NPAS2: variants seen among roughly 807,000 people sequenced by gnomAD.
NPAS2 encodes the protein neuronal PAS domain protein 2, also known as neuronal PAS domain-containing protein 2.
In NPAS2, 23 loss-of-function variants were observed where a neutral mutation model predicts 107.5. The observed-to-expected ratio is 0.21, with a 90% CI of 0.15 to 0.30. NPAS2 has a LOEUF of 0.30. Ranked by LOEUF, NPAS2 falls within the 10% of genes least tolerant of loss-of-function variation. NPAS2 has a pLI of 1.00. For missense variants in NPAS2, 756 were observed against 1,043.3 expected (o/e 0.72, Z 3.79); for synonymous variants, 403 against 417.5 (o/e 0.97, Z 0.42).
chr2:100,956,139 T>C (rs1049452725), intron 7 of NPAS2, among the ~76,000 whole-genome samples: 2 of 152,134 alleles, frequency 1.3e-5, no homozygotes, highest in Admixed American at 1.3e-4. Flanking sequence ...CTTCTGAGCC[T>C]AAGCAATCCT....
At chr2:100,822,864 A>G (rs906816300) in intron 1 of NPAS2, 3 of 152,228 alleles carry the variant, frequency 2.0e-5, no homozygotes, top group Non-Finnish European at 4.4e-5. Context: ...CTTTATGCCA[A>G]CGGTTTAATT....
At chr2:100,962,967 T>TA (rs139409116) in intron 7 of NPAS2, 25,677 of 152,252 alleles carry the variant, frequency 0.17, 2,426 homozygotes, top group African/African-American at 0.25. Flanking sequence ...TGACCGTGGT[T>TA]AATTATAGAA....
chr2:100,967,319 C>T (rs1245347944), intron 10 of NPAS2, among the ~76,000 whole-genome samples: 5 of 149,408 alleles, frequency 3.3e-5, no homozygotes, highest in East Asian at 4.0e-4. Flanking sequence ...CTCCGCCTCC[C>T]GGGTTCACGC....
In NPAS2 at chr2:100,979,514, T is replaced by A. The variant is rs1459593591; in HGVS notation, c.1482+1715T>A. On this transcript the variant is annotated intron_variant, in intron 15 of 20. Transcript: ENST00000335681. ...TATATATATATATATTTTTTTTTTT[T>A]TTTTTTTTTTTTTTCTGAGACGGAG... Among the ~76,000 whole-genome samples the A allele has an allele frequency of 7.6e-4, 98 of 129,344 alleles. 1 individual carries two copies. Among genetic ancestry groups the A allele is most frequent in the East Asian group, 3.5e-3 (14 of 3,990 alleles). The allele number at this position is 129,344 out of a possible 152,430, so 84.9% of individuals were successfully genotyped here. A position where few individuals can be genotyped will look rare whatever the true frequency, so the allele number is the denominator to read the frequency against.
chr2:100,985,676 T>A (rs1677739240), intron 16 of NPAS2: 1 of 152,274 alleles, frequency 6.6e-6, no homozygotes, highest in Non-Finnish European at 1.5e-5. Context: ...TTATCTGACA[T>A]TCATTCAGTA....
chr2:100,949,458 A>G lies in NPAS2; in HGVS notation c.576A>G (p.Gly192=), dbSNP rs377280122. 6.2e-7 allele frequency: 1 copy of G among 1,604,324 alleles called. No homozygotes were observed. The highest frequency in any genetic ancestry group is 1.1e-5 in the South Asian group (1 of 90,882). Residue 192 remains glycine, a synonymous_variant, in exon 7 of 21, where the codon GGA becomes GGG. Coordinates refer to ENST00000335681, the MANE Select transcript of NPAS2 (RefSeq NM_002518.4). The stretch of plus-strand genomic sequence containing the variant: ...CTTATGAATACATAAAATTTGTAGG[A>G]AATTTTCGCTCTTACAACAATGGTA... The part of the protein sequence containing the change: ...FPTYEYIKFV[G]NFRSYNNVPS...
At chr2:100,880,694 A>G (rs192297153) in intron 1 of NPAS2, among the ~76,000 whole-genome samples, 11 of 152,200 alleles carry the variant, frequency 7.2e-5, no homozygotes, top group Non-Finnish European at 1.6e-4. Context: ...GTTGCACAAC[A>G]TTATGAATGC....
At chr2:100,921,106 G>A (rs544828195) in intron 2 of NPAS2, among the ~76,000 whole-genome samples, 31 of 152,330 alleles carry the variant, frequency 2.0e-4, no homozygotes, top group Middle Eastern at 3.4e-3. Context: ...GGGTCCGTAG[G>A]TCCATAACAG....
chr2:100,877,860 C>T (rs1411909892), intron 1 of NPAS2: 1 of 563,256 alleles, frequency 1.8e-6, no homozygotes, highest in Non-Finnish European at 2.3e-6. Flanking sequence ...TCACATACTG[C>T]CTTGTAAGAA....
intron 1 of NPAS2, among the ~76,000 whole-genome samples, chr2:100,834,061 A>G (rs1024496685): frequency 6.6e-6 from 1 of 152,182 alleles, no homozygotes; most frequent in Non-Finnish European, 1.5e-5. Flanking sequence ...AGGCTCAGAA[A>G]GCAAAGAGGC....
intron 2 of NPAS2, among the ~76,000 whole-genome samples, chr2:100,922,181 G>A (rs981879457): frequency 2.6e-5 from 4 of 152,158 alleles, no homozygotes; most frequent in Admixed American, 1.3e-4. Context: ...TCTTTAGGAT[G>A]AAGGAACTGT....
intron 1 of NPAS2, among the ~76,000 whole-genome samples, chr2:100,884,658 G>A (rs1425988475): frequency 6.6e-6 from 1 of 152,180 alleles, no homozygotes; most frequent in African/African-American, 2.4e-5. Context: ...TGGGGTCAGA[G>A]ATGGAGCATT....
At chr2:100,995,114 G>A (rs572450080) in intron 20 of NPAS2, 88 of 407,038 alleles carry the variant, frequency 2.2e-4, no homozygotes, top group Middle Eastern at 1.9e-3. Flanking sequence ...ACGTGTTTAC[G>A]AAACCATTCC....
intron 7 of NPAS2, among the ~76,000 whole-genome samples, chr2:100,962,319 T>TA (rs148503947): frequency 6.6e-6 from 1 of 152,200 alleles, no homozygotes; most frequent in South Asian, 2.1e-4. Context: ...TATATATATT[T>TA]AAAAAAATGA....
intron 13 of NPAS2, 127 bp from the exon 14 acceptor site, chr2:100,975,330 TG>T: frequency 1.2e-6 from 1 of 818,796 alleles, no homozygotes; most frequent in Non-Finnish European, 2.0e-6. Flanking sequence ...CCCTGCATGG[TG>T]GACTTCCTTT....
intron 7 of NPAS2, among the ~76,000 whole-genome samples, chr2:100,952,172 G>C (rs1399378059): frequency 7.6e-6 from 1 of 130,900 alleles, no homozygotes; most frequent in African/African-American, 2.8e-5. Context: ...AAAAAAAAAA[G>C]ATGTGCTTTG....
At chr2:100,981,238 C>T (rs1004213992) in intron 15 of NPAS2, among the ~76,000 whole-genome samples, 4 of 152,010 alleles carry the variant, frequency 2.6e-5, no homozygotes, top group African/African-American at 9.7e-5. Context: ...CAAAAGACAG[C>T]GGGCAGGAAA....
At chr2:100,962,442 C>T (rs1675967389) in intron 7 of NPAS2, among the ~76,000 whole-genome samples, 2 of 152,144 alleles carry the variant, frequency 1.3e-5, no homozygotes. Context: ...TATTCCAGTT[C>T]AGAATGTGCA....
chr2:100,823,539 C>T (rs1321695702), intron 1 of NPAS2: 1 of 152,178 alleles, frequency 6.6e-6, no homozygotes, highest in African/African-American at 2.4e-5. Context: ...ACCTGGGGCC[C>T]TTGTCAAACA....
Sources: allele counts gnomAD v4.1 joint callset (sites outside exome capture counted in the v4.1 genomes callset), GRCh38; gene constraint gnomAD v4.1.1; transcripts MANE v1.5; gene names NCBI Gene and HGNC (gene_info 2026-07-23, HGNC 2026-07-21).